ADAMTSL1: variants seen among roughly 807,000 people sequenced by gnomAD.
The protein encoded by ADAMTSL1 is ADAMTS-like protein 1.
A neutral mutation model predicts 201.8 loss-of-function variants in ADAMTSL1; 126 were observed. The observed-to-expected ratio is 0.62, with a 90% confidence interval of 0.54 to 0.72. The LOEUF (loss-of-function observed/expected upper bound fraction) is 0.72, where lower values mean the gene tolerates loss of function less well. Among genes scored for constraint, ADAMTSL1 ranks in the 30% least tolerant of loss-of-function variants. The pLI is 0.00. For missense variants in ADAMTSL1, 2,679 were observed against 2,277.8 expected, an observed-to-expected ratio of 1.18 and a Z score of -3.59; for synonymous variants, 1,121 against 903.4, an observed-to-expected ratio of 1.24 and a Z score of -4.32.
intron 16 of ADAMTSL1, among the ~76,000 whole-genome samples, chr9:18,760,425 AATATAAATATGC>A (rs1820010013): frequency 6.6e-6 from 1 of 152,178 alleles, no homozygotes; most frequent in African/African-American, 2.4e-5. Flanking sequence ...AAGCCTTTAA[AATATAAATATGC>A]ATATAAATAT....
chr9:18,256,449 G>C (rs942554180), intron 2 of ADAMTSL1, among the ~76,000 whole-genome samples: 2 of 152,196 alleles, frequency 1.3e-5, no homozygotes, highest in African/African-American at 4.8e-5. Context: ...TGAACCCTGA[G>C]GTTGGAGGAT....
chr9:18,660,154 T>A (rs1288157825), intron 8 of ADAMTSL1, among the ~76,000 whole-genome samples: 1 of 152,220 alleles, frequency 6.6e-6, no homozygotes, highest in Non-Finnish European at 1.5e-5. Context: ...AAATCTTGCT[T>A]CAAAGGAAAC....
At chr9:18,151,834 G>T (rs1826930344) in intron 1 of ADAMTSL1, among the ~76,000 whole-genome samples, 1 of 151,982 alleles carries the variant, frequency 6.6e-6, no homozygotes, top group Non-Finnish European at 1.5e-5. Context: ...GAGGTGCCAG[G>T]AGTTGTATCT....
In ADAMTSL1 at chr9:18,817,132, CG is replaced by C; in HGVS notation, c.3830del (p.Arg1277GlnfsTer2). 6.2e-7 allele frequency: 1 copy of C among 1,606,878 alleles called. No homozygotes were observed. The highest frequency in any genetic ancestry group is 8.5e-7 in the Non-Finnish European group (1 of 1,176,774). ...AGGAAAGCCACTAGTGAAAACGTCA[CG>C]AATGACAGTGATCAACACGGAGAAG... ...LAGKPLVKTSRMTVINTEKPA... is the reference protein window; with the variant it reads ...LAGKPLVKTSXMTVINTEKPA... On this transcript the variant is annotated frameshift_variant, in exon 21 of 29. Coordinates refer to ENST00000380548, the MANE Select transcript of ADAMTSL1 (RefSeq NM_001040272.6). LOFTEE classifies it high-confidence loss of function.
chr9:18,725,973 T>C (rs911237582), intron 15 of ADAMTSL1, among the ~76,000 whole-genome samples: 1 of 152,200 alleles, frequency 6.6e-6, no homozygotes, highest in Non-Finnish European at 1.5e-5. Context: ...ACCAGCACAT[T>C]GATTTAGACC....
intron 13 of ADAMTSL1, among the ~76,000 whole-genome samples, chr9:18,703,734 A>G (rs985696462): frequency 1.4e-5 from 2 of 139,412 alleles, no homozygotes; most frequent in East Asian, 2.1e-4. Context: ...ATATATATAT[A>G]TGTTTTAATT....
In ADAMTSL1 at chr9:17,928,977, T is replaced by C. The variant is rs927614954; in HGVS notation, c.87+22055T>C. The stretch of plus-strand genomic sequence containing the variant: ...TACACGACTATGGACAAAACAGTTA[T>C]GTAGACTTCCTGAGTGCATGTGTGG... On this transcript the variant is annotated intron_variant, in intron 1 of 29. Coordinates refer to the ADAMTSL1 transcript ENST00000680146. Among the ~76,000 whole-genome samples the C allele has an allele frequency of 9.5e-4, 145 of 152,070 alleles. 3 individuals carry two copies. The highest frequency in any genetic ancestry group is 3.5e-4 in the Non-Finnish European group (24 of 67,996).
At chr9:18,282,644 T>A (rs986323382) in intron 2 of ADAMTSL1, among the ~76,000 whole-genome samples, 1 of 152,232 alleles carries the variant, frequency 6.6e-6, no homozygotes, top group Non-Finnish European at 1.5e-5. Flanking sequence ...ACGCCTGTAA[T>A]CCTAGCACTT....
intron 13 of ADAMTSL1, among the ~76,000 whole-genome samples, chr9:18,693,128 G>T (rs574101478): frequency 6.6e-6 from 1 of 152,338 alleles, no homozygotes; most frequent in South Asian, 2.1e-4. Flanking sequence ...CCTAGGAACA[G>T]TTCCAAAATG....
intron 2 of ADAMTSL1, among the ~76,000 whole-genome samples, chr9:18,251,456 G>C (rs1831462510): frequency 6.6e-6 from 1 of 152,120 alleles, no homozygotes; most frequent in Non-Finnish European, 1.5e-5. Context: ...TAGATAGAAA[G>C]TACAAGTTAT....
intron 2 of ADAMTSL1, among the ~76,000 whole-genome samples, chr9:18,327,194 G>C (rs750417067): frequency 7.9e-5 from 12 of 152,148 alleles, no homozygotes; most frequent in Non-Finnish European, 1.5e-4. Context: ...TGTAATAACT[G>C]GGCAGAAACC....
intron 1 of ADAMTSL1, among the ~76,000 whole-genome samples, chr9:18,069,605 A>G (rs886643199): frequency 6.6e-6 from 1 of 152,222 alleles, no homozygotes; most frequent in Non-Finnish European, 1.5e-5. Context: ...AAACATATTA[A>G]CATGTGATTT....
At chr9:18,339,650 C>A (rs1586921714) in intron 2 of ADAMTSL1, among the ~76,000 whole-genome samples, 1 of 152,088 alleles carries the variant, frequency 6.6e-6, no homozygotes, top group Non-Finnish European at 1.5e-5. Context: ...CAGATGGGAT[C>A]TCACTTTGTT....
intron 2 of ADAMTSL1, among the ~76,000 whole-genome samples, chr9:18,445,258 C>G (rs956221234): frequency 6.6e-6 from 1 of 152,162 alleles, no homozygotes; most frequent in Non-Finnish European, 1.5e-5. Context: ...GCTAAACAAT[C>G]TGTCACCACC....
chr9:18,727,311 G>A (rs769728039), intron 15 of ADAMTSL1, among the ~76,000 whole-genome samples: 5 of 152,110 alleles, frequency 3.3e-5, no homozygotes, highest in African/African-American at 9.7e-5. Flanking sequence ...ATTTCCATAC[G>A]CTGCCTTTTG....
chr9:18,640,257 G>C (rs1587769008), intron 7 of ADAMTSL1, among the ~76,000 whole-genome samples: 1 of 152,126 alleles, frequency 6.6e-6, no homozygotes, highest in African/African-American at 2.4e-5. Context: ...ATCCAGTCCA[G>C]ACGCCAGCCA....
chr9:18,688,691 T>TATATAG (rs1831017545), intron 13 of ADAMTSL1, among the ~76,000 whole-genome samples: 1 of 25,598 alleles, frequency 3.9e-5, no homozygotes, highest in African/African-American at 1.0e-4. Flanking sequence ...AAAAAAAAAA[T>TATATAG]ATATATATAT....
At chr9:18,061,905 G>GAA (rs1822472713) in intron 1 of ADAMTSL1, among the ~76,000 whole-genome samples, 2 of 152,178 alleles carry the variant, frequency 1.3e-5, no homozygotes, top group Non-Finnish European at 2.9e-5. Context: ...ATAGCAAAAT[G>GAA]ATTGAGCATT....
At chr9:18,200,828 C>G (rs1829413052) in intron 2 of ADAMTSL1, among the ~76,000 whole-genome samples, 1 of 151,648 alleles carries the variant, frequency 6.6e-6, no homozygotes. Context: ...TAACAGAATA[C>G]AAGGATAAAC....
Sources: gnomAD v4.1 joint callset for allele counts (sites outside exome capture counted in the v4.1 genomes callset) on GRCh38, gnomAD v4.1.1 for gene constraint, MANE v1.5 for transcripts, NCBI Gene and HGNC (gene_info 2026-07-23, HGNC 2026-07-21) for gene names.